The following PPP2R3A variants were observed in gnomAD, a reference collection of about 807,000 sequenced individuals.
The protein encoded by PPP2R3A is serine/threonine-protein phosphatase 2A regulatory subunit B'' subunit alpha.
PPP2R3A carries 80 observed loss-of-function variants against 106.9 expected under a neutral mutation model. That is an observed-to-expected ratio of 0.75 (90% CI 0.62 to 0.90). PPP2R3A has a LOEUF of 0.90. PPP2R3A is among the 40% of genes least tolerant of loss of function. PPP2R3A has a pLI of 0.00. For synonymous variants in PPP2R3A, 483 were observed against 468.3 expected, an observed-to-expected ratio of 1.03 and a Z score of -0.41; for missense variants, 1,386 against 1,350.4, an observed-to-expected ratio of 1.03 and a Z score of -0.41.
intron 4 of PPP2R3A, among the ~76,000 whole-genome samples, chr3:136,048,201 A>C (rs1044150416): frequency 1.3e-5 from 2 of 152,210 alleles, no homozygotes; most frequent in African/African-American, 4.8e-5. Flanking sequence ...GGCCAGCAAG[A>C]GTTCCTGGAA....
At chr3:136,085,477 G>A (rs921563028) in intron 8 of PPP2R3A, among the ~76,000 whole-genome samples, 16 of 151,968 alleles carry the variant, frequency 1.1e-4, no homozygotes, top group East Asian at 1.9e-4. Flanking sequence ...ATGGGGTTTC[G>A]CCTTGTTGCC....
chr3:136,062,505 TGAG>T (rs1936110290), intron 5 of PPP2R3A, among the ~76,000 whole-genome samples: 1 of 151,974 alleles, frequency 6.6e-6, no homozygotes, highest in African/African-American at 2.4e-5. Flanking sequence ...GTGCAGATCA[TGAG>T]GAGATCGAGA....
chr3:136,031,940 C>T (rs1934904724), intron 3 of PPP2R3A, among the ~76,000 whole-genome samples: 1 of 152,062 alleles, frequency 6.6e-6, no homozygotes, highest in Non-Finnish European at 1.5e-5. Context: ...GGTAATGTGA[C>T]ACCTCTAGAT....
In PPP2R3A at chr3:136,069,444, C is replaced by T. The variant is rs1287770829; in HGVS notation, c.2470-1034C>T. On this transcript the variant is annotated intron_variant, in intron 5 of 13. Coordinates refer to ENST00000264977, the MANE Select transcript of PPP2R3A (RefSeq NM_002718.5). ...ATACAAAAATTAACCTGGTGTGGTG[C>T]GACATACCTGTAGTCCCAGCTACTC... is the stretch of plus-strand genomic sequence containing the variant. 2.6e-5 allele frequency among the ~76,000 whole-genome samples: 4 copies of T among 151,862 alleles called. No individual in the cohort carries two copies. In the South Asian group the frequency reaches 6.2e-4, roughly 24 times the overall value.
intron 10 of PPP2R3A, among the ~76,000 whole-genome samples, chr3:136,091,976 C>A (rs867221167): frequency 6.6e-6 from 1 of 152,090 alleles, no homozygotes; most frequent in Non-Finnish European, 1.5e-5. Context: ...ATCCAAAATT[C>A]TCCAGTGAGT....
chr3:136,103,384 T>A lies in PPP2R3A; in HGVS notation c.3222+8T>A. ...CCCTTTGCGGTCCAGAAGGTAACAG[T>A]ATAATTTTAACTTTTATTTGAGGGC... On this transcript the variant is annotated splice_region_variant and intron_variant, in intron 12 of 13. Transcript: ENST00000264977. 6.4e-7 allele frequency: 1 copy of A among 1,557,392 alleles called. No homozygotes were observed. Among genetic ancestry groups the A allele is most frequent in the Non-Finnish European group, 8.8e-7 (1 of 1,133,360 alleles).
At chr3:136,139,538 CAA>C (rs1045741556) in intron 13 of PPP2R3A, among the ~76,000 whole-genome samples, 2 of 151,554 alleles carry the variant, frequency 1.3e-5, no homozygotes, top group African/African-American at 4.9e-5. Context: ...ACTAAAAATA[CAA>C]AAGTTAGCTG....
At chr3:136,064,175 C>T (rs563616729) in intron 5 of PPP2R3A, among the ~76,000 whole-genome samples, 1 of 149,366 alleles carries the variant, frequency 6.7e-6, no homozygotes, top group Admixed American at 6.8e-5. Flanking sequence ...GGACAAAAAA[C>T]CAAACACCGC....
At chr3:136,074,711 T>G (rs1936542731) in intron 6 of PPP2R3A, among the ~76,000 whole-genome samples, 1 of 152,224 alleles carries the variant, frequency 6.6e-6, no homozygotes, top group Non-Finnish European at 1.5e-5. Flanking sequence ...GTATCTTGAT[T>G]GGCCAGAATC....
intron 13 of PPP2R3A, among the ~76,000 whole-genome samples, chr3:136,119,562 A>G (rs1937911217): frequency 1.3e-5 from 2 of 152,240 alleles, no homozygotes; most frequent in African/African-American, 2.4e-5. Flanking sequence ...ATGAACAGAC[A>G]CTTCTCAAAA....
At chr3:135,983,963 A>G (rs1048323533) in intron 1 of PPP2R3A, among the ~76,000 whole-genome samples, 3 of 152,128 alleles carry the variant, frequency 2.0e-5, no homozygotes, top group South Asian at 2.1e-4. Context: ...GACTTTTTTT[A>G]TAGCTATTTT....
At position 136,048,667 on chromosome 3, in the gene PPP2R3A, C is replaced by T. The variant is rs1296650265; in HGVS notation, c.2367-592C>T. Among the ~76,000 whole-genome samples, 12 of 146,602 alleles carry T rather than the reference C, an allele frequency of 8.2e-5. No individual in the cohort carries two copies. The East Asian group carries it at 1.8e-3, about 22-fold the overall frequency. ...AGCCTGGGTGAAAAGAGCAAAACTC[C>T]GTCTCAAAAAAAAAAAAAAAGCTGG... On this transcript the variant is annotated intron_variant, in intron 4 of 13. Coordinates refer to ENST00000264977, the MANE Select transcript of PPP2R3A (RefSeq NM_002718.5).
At chr3:136,070,801 C>A (rs1217037932) in intron 6 of PPP2R3A, among the ~76,000 whole-genome samples, 2 of 152,124 alleles carry the variant, frequency 1.3e-5, no homozygotes, top group Non-Finnish European at 2.9e-5. Context: ...TGAGGCATAT[C>A]TTTTTCTGTG....
intron 13 of PPP2R3A, among the ~76,000 whole-genome samples, chr3:136,123,155 CATA>C (rs1165168022): frequency 4.6e-5 from 7 of 151,902 alleles, no homozygotes; most frequent in Admixed American, 4.6e-4. Flanking sequence ...GTTCCCATGG[CATA>C]ATAAGGACAC....
chr3:135,982,334 T>C (rs561790751), intron 1 of PPP2R3A, among the ~76,000 whole-genome samples: 1 of 152,280 alleles, frequency 6.6e-6, no homozygotes, highest in African/African-American at 2.4e-5. Context: ...TAACAAACTC[T>C]TGTTGGGCCT....
chr3:136,126,028 G>C (rs1234058019), intron 13 of PPP2R3A, among the ~76,000 whole-genome samples: 2 of 152,214 alleles, frequency 1.3e-5, no homozygotes, highest in Non-Finnish European at 1.5e-5. Context: ...GGCGTTCCAA[G>C]ATGGCCGAAT....
At chr3:136,071,405 CTT>C (rs1273687517) in intron 6 of PPP2R3A, among the ~76,000 whole-genome samples, 1 of 152,218 alleles carries the variant, frequency 6.6e-6, no homozygotes, top group Non-Finnish European at 1.5e-5. Flanking sequence ...CATTGGCTCT[CTT>C]ATGTCAGTAT....
chr3:136,100,611 A>G (rs1336968702), intron 10 of PPP2R3A, among the ~76,000 whole-genome samples: 1 of 152,054 alleles, frequency 6.6e-6, no homozygotes, highest in African/African-American at 2.4e-5. Context: ...CCCGGGAGGC[A>G]GAGGTTGCGG....
intron 12 of PPP2R3A, among the ~76,000 whole-genome samples, chr3:136,104,728 A>G (rs542494948): frequency 6.6e-6 from 1 of 152,324 alleles, no homozygotes; most frequent in South Asian, 2.1e-4. Flanking sequence ...AGTTAAATAT[A>G]GTAATTAATA....
Sources: gnomAD v4.1 joint callset for allele counts (sites outside exome capture counted in the v4.1 genomes callset) on GRCh38, gnomAD v4.1.1 for gene constraint, MANE v1.5 for transcripts, NCBI Gene and HGNC (gene_info 2026-07-23, HGNC 2026-07-21) for gene names.